Variants in IQGAP2 observed in about 807,000 individuals in gnomAD.
IQGAP2 encodes IQ motif containing GTPase activating protein 2, also known as ras GTPase-activating-like protein IQGAP2.
IQGAP2 carries 173 observed loss-of-function variants against 201.3 expected under a neutral mutation model. That is an observed-to-expected ratio of 0.86 (90% confidence interval 0.76 to 0.98). The LOEUF (loss-of-function observed/expected upper bound fraction) is 0.98, where lower values mean the gene tolerates loss of function less well. Ranked by LOEUF, IQGAP2 falls within the 50% of genes least tolerant of loss-of-function variation. The pLI is 0.00. For missense variants in IQGAP2, 1,687 were observed against 1,864.8 expected (o/e 0.90, Z 1.76); for synonymous variants, 675 against 673.9 (o/e 1.00, Z -0.03).
At chr5:76,425,959 A>G (rs1751970780) in intron 1 of IQGAP2, among the ~76,000 whole-genome samples, 1 of 152,130 alleles carries the variant, frequency 6.6e-6, no homozygotes, top group Admixed American at 6.6e-5. Flanking sequence ...AACTTCATGG[A>G]TCAGTTTCAG....
intron 6 of IQGAP2, 30 bp from the exon 7 acceptor site, chr5:76,589,585 A>G: frequency 1.6e-6 from 2 of 1,257,082 alleles, no homozygotes; most frequent in East Asian, 4.8e-5. Context: ...TTTCTCTGAT[A>G]ATGATTATGA....
intron 13 of IQGAP2, among the ~76,000 whole-genome samples, chr5:76,623,936 C>CTTTTTTTTTT (rs368076875): frequency 9.9e-6 from 1 of 100,776 alleles, no homozygotes; most frequent in Non-Finnish European, 1.9e-5. Flanking sequence ...TTTGTTCAGG[C>CTTTTTTTTTT]TTTTTTTTTT....
intron 13 of IQGAP2, among the ~76,000 whole-genome samples, chr5:76,620,519 G>A (rs1415202166): frequency 6.6e-6 from 1 of 152,194 alleles, no homozygotes; most frequent in Non-Finnish European, 1.5e-5. Context: ...TCTGTTTTTA[G>A]TCTGACTGAG....
intron 2 of IQGAP2, among the ~76,000 whole-genome samples, chr5:76,532,752 C>A (rs1391131418): frequency 1.3e-5 from 2 of 152,146 alleles, no homozygotes; most frequent in Non-Finnish European, 2.9e-5. Flanking sequence ...TGTCGGAGGA[C>A]CACTCCGTGC....
At chr5:76,508,004 CAAAA>C (rs35283673) in intron 2 of IQGAP2, among the ~76,000 whole-genome samples, 1 of 63,308 alleles carries the variant, frequency 1.6e-5, no homozygotes, top group East Asian at 6.9e-4. Context: ...GACTCCTTCT[CAAAA>C]AAAAAAAAAA....
chr5:76,688,043 C>T (rs996249726), intron 30 of IQGAP2, among the ~76,000 whole-genome samples: 4 of 152,094 alleles, frequency 2.6e-5, no homozygotes, highest in Non-Finnish European at 1.5e-5. Context: ...ATGAGGATGA[C>T]TTTTTTGATT....
chr5:76,489,897 C>T (rs774153384), intron 2 of IQGAP2, among the ~76,000 whole-genome samples: 29 of 152,318 alleles, frequency 1.9e-4, no homozygotes, highest in Middle Eastern at 3.4e-3. Context: ...ATACACTCCA[C>T]GTCCACACCA....
At chr5:76,438,008 G>GTTTTT (rs768892670) in intron 1 of IQGAP2, among the ~76,000 whole-genome samples, 12 of 91,036 alleles carry the variant, frequency 1.3e-4, no homozygotes, top group African/African-American at 3.3e-4. Context: ...TTGGTCTGTA[G>GTTTTT]TTTTTTTTTT....
At chr5:76,485,904 T>G (rs985807887) in intron 2 of IQGAP2, among the ~76,000 whole-genome samples, 5 of 152,224 alleles carry the variant, frequency 3.3e-5, no homozygotes, top group African/African-American at 1.2e-4. Context: ...TGAGTCTTAA[T>G]TTTATTTTTT....
In IQGAP2 at chr5:76,562,519, A is replaced by C; in HGVS notation, c.270A>C (p.Lys90Asn). The C allele has an allele frequency of 6.2e-7, 1 of 1,614,106 alleles. No homozygotes were observed. The highest frequency in any genetic ancestry group is 8.5e-7 in the Non-Finnish European group (1 of 1,179,948). Residue 90 changes from lysine to asparagine, a missense_variant, in exon 3 of 36, where the codon AAA becomes AAC. Lys to Asn is a moderately conservative substitution (Grantham distance 94). Transcript: ENST00000274364. Reference protein sequence around the residue: ...KFFAPKMVSEKKIYDVEQTRY... With the variant: ...KFFAPKMVSENKIYDVEQTRY... ...TTGCCCCGAAAATGGTATCAGAGAA[A>C]AAGATCTATGATGTGGAACAAACAC...
intron 9 of IQGAP2, among the ~76,000 whole-genome samples, chr5:76,594,954 A>G (rs1196536386): frequency 6.7e-6 from 1 of 150,198 alleles, no homozygotes; most frequent in Admixed American, 6.6e-5. Context: ...TGATAGTGTG[A>G]GACTCCATCT....
chr5:76,609,831 T>TTA (rs754268711), intron 12 of IQGAP2, among the ~76,000 whole-genome samples: 51 of 142,926 alleles, frequency 3.6e-4, no homozygotes, highest in Non-Finnish European at 3.4e-4. Flanking sequence ...TATGTGTGTT[T>TTA]TATATATATA....
intron 1 of IQGAP2, among the ~76,000 whole-genome samples, chr5:76,411,771 C>A (rs1244484828): frequency 6.6e-6 from 1 of 152,166 alleles, no homozygotes; most frequent in Non-Finnish European, 1.5e-5. Flanking sequence ...TCTGTTATAG[C>A]AGCACAAAAC....
At chr5:76,448,159 G>C (rs1364944528) in intron 1 of IQGAP2, among the ~76,000 whole-genome samples, 1 of 152,166 alleles carries the variant, frequency 6.6e-6, no homozygotes, top group Non-Finnish European at 1.5e-5. Context: ...TTGGACAAAT[G>C]GTTGGGCTGT....
intron 2 of IQGAP2, among the ~76,000 whole-genome samples, chr5:76,557,053 C>T (rs1275932785): frequency 1.3e-5 from 2 of 152,198 alleles, no homozygotes; most frequent in South Asian, 2.1e-4. Flanking sequence ...CATACTGAAA[C>T]AGTGACAACA....
At position 76,574,828 on chromosome 5, in the gene IQGAP2, T is replaced by C. The variant is rs535211687; in HGVS notation, c.382-865T>C. ...ATCAGATGCTCAGAAAATACAGAAA[T>C]ATTCATTGCAGTGGCTTATAATAGG... On this transcript the variant is annotated intron_variant, in intron 4 of 35. Coordinates refer to ENST00000274364, the MANE Select transcript of IQGAP2 (RefSeq NM_006633.5). 2.0e-5 allele frequency among the ~76,000 whole-genome samples: 3 copies of C among 152,306 alleles called. No individual in the cohort carries two copies. The South Asian group carries it at 6.2e-4, about 32-fold the overall frequency.
Position 76,707,633 on chromosome 5 carries a change from TA to T in IQGAP2, c.*323del, listed in dbSNP as rs1285644836. ...ATTTAGCTGACTAGGGACAAACATG[TA>T]AACCTATTTTCCTATGAAAAAAATT... is the stretch of plus-strand genomic sequence containing the variant. On this transcript the variant is annotated 3_prime_UTR_variant, in exon 36 of 36. Transcript: ENST00000274364. 4.4e-5 allele frequency: 9 copies of T among 204,542 alleles called. No individual in the cohort carries two copies. The highest frequency in any genetic ancestry group is 3.6e-4 in the Admixed American group (6 of 16,828). The allele number at this position is 204,542 out of a possible 1,614,324, so 12.7% of individuals were successfully genotyped here.
chr5:76,625,334 G>A (rs1750123521), intron 13 of IQGAP2, among the ~76,000 whole-genome samples: 1 of 152,184 alleles, frequency 6.6e-6, no homozygotes, highest in African/African-American at 2.4e-5. Context: ...CCCTTCAAAA[G>A]AACTGAGACA....
At position 76,652,793 on chromosome 5, in the gene IQGAP2, G is replaced by C. The variant is rs139973941; in HGVS notation, c.2138G>C (p.Arg713Thr). ...AAACAACGGAAGGAGTATATGCACA[G>C]GCGGCAAACGTTCATTGATAATACT... ...GYKQRKEYMH[R>T]RQTFIDNTDS... is the part of the protein sequence containing the mutation. Residue 713 changes from arginine (R) to threonine (T), a missense_variant, in exon 18 of 36, where the codon AGG becomes ACG. Physicochemically the swap from Arg to Thr is moderately conservative, Grantham distance 71. Transcript: ENST00000274364. The C allele has an allele frequency of 6.2e-7, 1 of 1,611,492 alleles. No homozygotes were observed. Among genetic ancestry groups the C allele is most frequent in the African/African-American group, 1.3e-5 (1 of 74,892 alleles).
Sources: gnomAD v4.1 joint callset for allele counts (sites outside exome capture counted in the v4.1 genomes callset) on GRCh38, gnomAD v4.1.1 for gene constraint, MANE v1.5 for transcripts, NCBI Gene and HGNC (gene_info 2026-07-23, HGNC 2026-07-21) for gene names.